Variants in PCDHA4 observed in about 807,000 individuals in gnomAD.
PCDHA4 encodes the protein protocadherin alpha 4.
Under a neutral mutation model 61.4 loss-of-function variants are expected in PCDHA4, and 49 were observed. That is an observed-to-expected ratio of 0.80 (90% CI 0.63 to 1.01). The LOEUF (loss-of-function observed/expected upper bound fraction) is 1.01, where lower values mean the gene tolerates loss of function less well. PCDHA4 is among the 50% of genes least tolerant of loss of function. The probability of loss-of-function intolerance (pLI) is 0.00; values close to 1 mark genes in which losing one functional copy is unlikely to be tolerated. For missense variants in PCDHA4, 1,254 were observed against 1,235.8 expected, an observed-to-expected ratio of 1.01 and a Z score of -0.22; for synonymous variants, 590 against 550.3, an observed-to-expected ratio of 1.07 and a Z score of -1.01.
At chr5:140,875,979 C>T in intron 1 of PCDHA4, 5 of 1,613,984 alleles carry the variant, frequency 3.1e-6, no homozygotes, top group Non-Finnish European at 4.2e-6. Context: ...CTCTTTTGAC[C>T]TATGCGTTAA....
intron 1 of PCDHA4, chr5:140,858,285 G>A (rs782182754): frequency 1.3e-6 from 2 of 1,597,520 alleles, no homozygotes; most frequent in Non-Finnish European, 8.6e-7. Flanking sequence ...GTGGGGAGCT[G>A]GTCTTACTCG....
At chr5:140,986,938 G>A (rs1025641797) in intron 3 of PCDHA4, among the ~76,000 whole-genome samples, 1 of 152,158 alleles carries the variant, frequency 6.6e-6, no homozygotes, top group African/African-American at 2.4e-5. Flanking sequence ...TGGAGGCTGG[G>A]TGTGGTCGCT....
intron 1 of PCDHA4, among the ~76,000 whole-genome samples, chr5:140,895,581 TTAGA>T (rs1442561424): frequency 6.6e-6 from 1 of 152,216 alleles, no homozygotes; most frequent in Non-Finnish European, 1.5e-5. Flanking sequence ...AATTACTTTA[TTAGA>T]TATATAATTT....
intron 3 of PCDHA4, among the ~76,000 whole-genome samples, chr5:141,007,967 G>A (rs1191510244): frequency 6.6e-6 from 1 of 152,176 alleles, no homozygotes; most frequent in Admixed American, 6.5e-5. Flanking sequence ...TTCTCTGGGT[G>A]TCTGTCATGT....
chr5:140,833,215 A>G (rs1317399429), intron 1 of PCDHA4, among the ~76,000 whole-genome samples: 1 of 152,200 alleles, frequency 6.6e-6, no homozygotes, highest in Non-Finnish European at 1.5e-5. Context: ...ATAGGAATGG[A>G]CAGGTTACAC....
At chr5:140,850,194 A>G (rs1581216724) in intron 1 of PCDHA4, 2 of 1,592,988 alleles carry the variant, frequency 1.3e-6, no homozygotes, top group East Asian at 2.3e-5. Context: ...GGCGCTGCTG[A>G]CACCTCGGAT....
intron 1 of PCDHA4, among the ~76,000 whole-genome samples, chr5:140,900,556 C>T (rs757442954): frequency 4.6e-5 from 7 of 152,168 alleles, no homozygotes; most frequent in Non-Finnish European, 5.9e-5. Flanking sequence ...GGATTACAGG[C>T]GTGAGCCACG....
In PCDHA4 at chr5:140,857,261, T is replaced by C. The variant is rs145652579; in HGVS notation, c.2385+47689T>C. The C allele has an allele frequency of 4.9e-5, 79 of 1,598,562 alleles. 6 individuals carry two copies. The African/African-American group carries it at 9.1e-4, about 18-fold the overall frequency. On this transcript the variant is annotated intron_variant, in intron 1 of 3. Coordinates refer to ENST00000530339, the MANE Select transcript of PCDHA4 (RefSeq NM_018907.4). ...GGTGTCCACCTACAAGAATTACTACTCATTGGTGCTGGACAGCGCTCTGGA... is the reference window on the plus strand; with the variant it reads ...GGTGTCCACCTACAAGAATTACTACCCATTGGTGCTGGACAGCGCTCTGGA...
At chr5:140,865,692 T>C (rs2048967146) in intron 1 of PCDHA4, 1 of 152,212 alleles carries the variant, frequency 6.6e-6, no homozygotes, top group Non-Finnish European at 1.5e-5. Context: ...ATATGACTGT[T>C]CCAATTTGAA....
At chr5:141,008,410 A>G (rs782459591) in intron 3 of PCDHA4, among the ~76,000 whole-genome samples, 33 of 152,184 alleles carry the variant, frequency 2.2e-4, no homozygotes, top group Non-Finnish European at 3.7e-4. Context: ...TTCCAATGTC[A>G]TGGCCACTGG....
rs1337537154 is a variant in PCDHA4, at chr5:140,853,299, T to G, written c.2385+43727T>G. 5.1e-6 allele frequency: 5 copies of G among 982,044 alleles called. No homozygotes were observed. In the African/African-American group the frequency reaches 7.1e-5, roughly 14 times the overall value. 60.8% of individuals were successfully genotyped at this position (982,044 alleles called of 1,614,324 possible). The stretch of plus-strand genomic sequence containing the variant: ...ATCATATGCAAATTCTCAGAAGGGC[T>G]GTGAACACCTTAGTAATAAATTTAT... On this transcript the variant is annotated intron_variant, in intron 1 of 3. Coordinates refer to ENST00000530339, the MANE Select transcript of PCDHA4 (RefSeq NM_018907.4).
Position 140,851,554 on chromosome 5 carries a change from A to G in PCDHA4, c.2385+41982A>G. On this transcript the variant is annotated intron_variant, in intron 1 of 3. Transcript: ENST00000530339. Reference sequence around the variant, plus strand: ...AATGTAGATAATTCAAGAAATGTTGACTGAAATTTTGTCTACACTTAGAAC... The same window carrying G: ...AATGTAGATAATTCAAGAAATGTTGGCTGAAATTTTGTCTACACTTAGAAC... 9.9e-6 allele frequency: 9 copies of G among 909,036 alleles called. 1 individual carries two copies. The highest frequency in any genetic ancestry group is 1.1e-5 in the Non-Finnish European group (8 of 746,402). The allele number at this position is 909,036 out of a possible 1,614,324, so 56.3% of individuals were successfully genotyped here.
At chr5:140,835,661 C>T (rs782249131) in intron 1 of PCDHA4, 1 of 1,613,886 alleles carries the variant, frequency 6.2e-7, no homozygotes, top group Non-Finnish European at 8.5e-7. Context: ...TGGTGGTTAC[C>T]GCGCGGGACG....
rs782410675 is a variant in PCDHA4 at position 140,884,460 on chromosome 5, C to G, written c.2385+74888C>G. On this transcript the variant is annotated intron_variant, in intron 1 of 3. Coordinates refer to ENST00000530339, the MANE Select transcript of PCDHA4 (RefSeq NM_018907.4). ...TGCTCGGCACCGCCCACCGAGGGCGCGTGCGCGCCGGGCAAGCCCACTCTA... is the reference window on the plus strand; with the variant it reads ...TGCTCGGCACCGCCCACCGAGGGCGGGTGCGCGCCGGGCAAGCCCACTCTA... The G allele has an allele frequency of 2.5e-6, 4 of 1,613,614 alleles. No individual in the cohort carries two copies. Among genetic ancestry groups the G allele is most frequent in the Non-Finnish European group, 2.5e-6 (3 of 1,179,818 alleles).
At chr5:140,859,551 A>G (rs1258931011) in intron 1 of PCDHA4, 1 of 180,640 alleles carries the variant, frequency 5.5e-6, no homozygotes, top group African/African-American at 2.4e-5. Flanking sequence ...AGTGTTACCA[A>G]ACACCAATGC....
rs782032441 is a variant in PCDHA4 at position 140,808,674 on chromosome 5, A to C, written c.1487A>C (p.Glu496Ala). The C allele has an allele frequency of 5.5e-5, 89 of 1,612,590 alleles. No individual in the cohort carries two copies. The highest frequency in any genetic ancestry group is 7.3e-5 in the Non-Finnish European group (86 of 1,179,850). Residue 496 changes from glutamate to alanine, a missense_variant, in exon 1 of 4, where the codon GAG becomes GCG. Physicochemically the swap from Glu to Ala is moderately radical, Grantham distance 107 (BLOSUM62 -1). Coordinates refer to ENST00000530339, the MANE Select transcript of PCDHA4 (RefSeq NM_018907.4). ...ENALVSYSLV[E>A]RRVGERALSS... The stretch of plus-strand genomic sequence containing the variant: ...GCGCTGGTGTCCTACTCGCTGGTAG[A>C]GCGGCGGGTAGGGGAGCGCGCGCTG...
At chr5:140,819,710 A>G (rs1377214086) in intron 1 of PCDHA4, among the ~76,000 whole-genome samples, 1 of 152,128 alleles carries the variant, frequency 6.6e-6, no homozygotes, top group Non-Finnish European at 1.5e-5. Context: ...TAAAAAGTAA[A>G]TATAATTTAA....
At chr5:141,009,602 T>G in intron 3 of PCDHA4, 25 bp from the exon 4 acceptor site, 1 of 1,608,136 alleles carries the variant, frequency 6.2e-7, no homozygotes, top group Non-Finnish European at 8.5e-7. Flanking sequence ...ACCCTGTTAA[T>G]GATTTGTAAT....
chr5:140,925,100 A>AGGAG (rs1217709299), intron 1 of PCDHA4, among the ~76,000 whole-genome samples: 12 of 151,586 alleles, frequency 7.9e-5, no homozygotes, highest in Admixed American at 1.3e-4. Context: ...GAAGGAAGGA[A>AGGAG]GGAAGGAGGG....
Sources: gnomAD v4.1 joint callset for allele counts (sites outside exome capture counted in the v4.1 genomes callset) on GRCh38, gnomAD v4.1.1 for gene constraint, MANE v1.5 for transcripts, NCBI Gene and HGNC (gene_info 2026-07-23, HGNC 2026-07-21) for gene names.